Variants in CR1 observed in about 807,000 individuals in gnomAD.
The protein encoded by CR1 is complement C3b/C4b receptor 1 (Knops blood group).
Under a neutral mutation model 187.3 loss-of-function variants are expected in CR1, and 116 were observed. The ratio of observed to expected loss-of-function variants is 0.62; its 90% confidence interval spans 0.53 to 0.72. CR1 has a LOEUF of 0.72. CR1 is among the 30% of genes least tolerant of loss of function. The pLI is 0.00. For synonymous variants in CR1, 576 were observed against 747.1 expected (o/e 0.77, Z 3.73); for missense variants, 1,731 against 2,110.7 (o/e 0.82, Z 3.52).
intron 46 of CR1, among the ~76,000 whole-genome samples, chr1:207,639,090 G>A (rs372901490): frequency 6.6e-6 from 1 of 152,346 alleles, no homozygotes; most frequent in Middle Eastern, 3.4e-3. Context: ...TCATTTTCCC[G>A]ACAATGGTTG....
intron 24 of CR1, among the ~76,000 whole-genome samples, chr1:207,567,125 G>T (rs1252470848): frequency 6.7e-6 from 1 of 150,288 alleles, no homozygotes; most frequent in Admixed American, 6.6e-5. Flanking sequence ...TTAGAAATGA[G>T]GAAGAGACTG....
At chr1:207,582,191 C>G (rs145267674) in intron 32 of CR1, among the ~76,000 whole-genome samples, 188 bp downstream of exon 32, 1 of 152,148 alleles carries the variant, frequency 6.6e-6, no homozygotes, top group African/African-American at 2.4e-5. Flanking sequence ...GTTTTGGGTA[C>G]CATCCTATAA....
At chr1:207,524,449 T>C (rs1660103411) in intron 5 of CR1, among the ~76,000 whole-genome samples, 1 of 152,032 alleles carries the variant, frequency 6.6e-6, no homozygotes, top group East Asian at 1.9e-4. Flanking sequence ...TGTGGTGCCA[T>C]CATGACTTAC....
intron 1 of CR1, among the ~76,000 whole-genome samples, chr1:207,498,548 G>C (rs1659160020): frequency 6.6e-6 from 1 of 152,110 alleles, no homozygotes; most frequent in Non-Finnish European, 1.5e-5. Flanking sequence ...ATGTTAATAA[G>C]TAAGAGAGAA....
intron 35 of CR1, among the ~76,000 whole-genome samples, chr1:207,590,540 A>C (rs1296374874): frequency 2.0e-5 from 3 of 152,228 alleles, no homozygotes; most frequent in African/African-American, 7.2e-5. Flanking sequence ...CAATATGAAG[A>C]AACCACATCA....
At position 207,611,947 on chromosome 1, in the gene CR1, T is replaced by G; in HGVS notation, c.6481T>G (p.Cys2161Gly). The change falls in exon 39 of 47, where the codon TGT (cysteine) becomes GGT (glycine). Residue 2161 changes from cysteine (C) to glycine (G), a missense_variant. By Grantham distance (159) the Cys-to-Gly change is radical. Transcript: ENST00000367049. ...PEAPRCTVKS[C>G]DDFLGQLPHG... ...TTTATTTTTTCTTCTAGTGAAATCC[T>G]GTGATGACTTCCTGGGCCAACTCCC... is the stretch of plus-strand genomic sequence containing the variant. The G allele has an allele frequency of 6.2e-6, 10 of 1,614,056 alleles. No individual in the cohort carries two copies. The highest frequency in any genetic ancestry group is 8.5e-6 in the Non-Finnish European group (10 of 1,179,904).
intron 32 of CR1, 86 bp downstream of exon 32, chr1:207,582,089 C>T: frequency 3.2e-6 from 3 of 941,868 alleles, no homozygotes; most frequent in Admixed American, 2.4e-5. Flanking sequence ...TATTGTTTGT[C>T]CCGCTGTTTG....
chr1:207,623,094 A>T (rs1484416184), intron 45 of CR1, 26 bp downstream of exon 45: 1 of 1,488,326 alleles, frequency 6.7e-7, no homozygotes, highest in Non-Finnish European at 9.2e-7. Context: ...TTATCCCAAG[A>T]AATGTAAACT....
In CR1 at chr1:207,523,636, C is replaced by G. The variant is rs765225525; in HGVS notation, c.513C>G (p.Thr171=). ...GAATTCCTTGTGGGCTACCCCCCAC[C>G]ATCACCAATGGAGATTTCATTAGCA... The part of the protein sequence containing the change: ...CDRIPCGLPP[T]ITNGDFISTN... Residue 171 remains threonine, a synonymous_variant, in exon 5 of 47, where the codon ACC becomes ACG. Transcript: ENST00000367049. 2 of 1,613,846 alleles carry G rather than the reference C, an allele frequency of 1.2e-6. No individual in the cohort carries two copies. The highest frequency in any genetic ancestry group is 2.7e-5 in the African/African-American group (2 of 74,930).
intron 45 of CR1, among the ~76,000 whole-genome samples, chr1:207,626,355 G>A (rs946858862): frequency 4.6e-5 from 7 of 152,224 alleles, no homozygotes; most frequent in African/African-American, 1.7e-4. Flanking sequence ...GAGTTGGGCT[G>A]ATTAATCATG....
chr1:207,609,578 C>G lies in CR1; in HGVS notation c.6185C>G (p.Thr2062Ser), dbSNP rs753306326. The change falls in exon 37 of 47, where the codon ACT becomes AGT. Residue 2062 changes from threonine (T) to serine (S), a missense_variant. Physicochemically the swap from Thr to Ser is moderately conservative, Grantham distance 58. Coordinates refer to ENST00000367049, the MANE Select transcript of CR1 (RefSeq NM_000651.6). ...VPGNRSFFTL[T>S]EIIRFRCQPG... ...GGAAACAGGAGTTTCTTTACCCTCACTGAGATCATCAGATTTAGATGTCAG... is the reference window on the plus strand; with the variant it reads ...GGAAACAGGAGTTTCTTTACCCTCAGTGAGATCATCAGATTTAGATGTCAG... The G allele has an allele frequency of 9.9e-6, 16 of 1,613,456 alleles. No homozygotes were observed. The highest frequency in any genetic ancestry group is 1.2e-5 in the Non-Finnish European group (14 of 1,179,716).
At chr1:207,589,905 A>G (rs574217862) in intron 35 of CR1, among the ~76,000 whole-genome samples, 4 of 151,602 alleles carry the variant, frequency 2.6e-5, no homozygotes, top group African/African-American at 9.6e-5. Flanking sequence ...AAGCATGAAG[A>G]CAAAAAAAGA....
At chr1:207,605,576 C>T (rs1480809969) in intron 35 of CR1, among the ~76,000 whole-genome samples, 1 of 152,080 alleles carries the variant, frequency 6.6e-6, no homozygotes, top group Non-Finnish European at 1.5e-5. Context: ...TTGGCTCCAA[C>T]AATCTAGCTT....
At chr1:207,638,925 C>T (rs1329112756) in intron 46 of CR1, among the ~76,000 whole-genome samples, 1 of 152,224 alleles carries the variant, frequency 6.6e-6, no homozygotes, top group Non-Finnish European at 1.5e-5. Context: ...TGCACTGCCG[C>T]TTGTGGCGGG....
intron 30 of CR1, 21 bp from the exon 31 acceptor site, chr1:207,580,490 T>TC: frequency 1.3e-6 from 2 of 1,588,060 alleles, no homozygotes; most frequent in Non-Finnish European, 1.7e-6. Flanking sequence ...TTTTTTCTTT[T>TC]TTTTTTTTTT....
At chr1:207,609,217 G>T in intron 36 of CR1, 73 bp from the exon 37 acceptor site, 1 of 1,286,088 alleles carries the variant, frequency 7.8e-7, no homozygotes, top group Non-Finnish European at 1.1e-6. Context: ...ATTTGCATTT[G>T]GTATTTAAAT....
At chr1:207,636,553 T>C (rs902027088) in intron 46 of CR1, among the ~76,000 whole-genome samples, 5 of 152,198 alleles carry the variant, frequency 3.3e-5, no homozygotes, top group African/African-American at 1.2e-4. Flanking sequence ...ATTAATTTGG[T>C]TTGCCAATTT....
At chr1:207,579,389 CG>C (rs1394574423) in intron 29 of CR1, among the ~76,000 whole-genome samples, 1 of 152,140 alleles carries the variant, frequency 6.6e-6, no homozygotes, top group African/African-American at 2.4e-5. Context: ...GATATAAAGA[CG>C]GATGTACTGA....
At position 207,582,038 on chromosome 1, in the gene CR1, T is replaced by G. The variant is rs950476957; in HGVS notation, c.5302+35T>G. ...TGGAATACTTGTTCAGTCTGGATCT[T>G]TCTGTTTTTTTCTTAATATAGTTTG... On this transcript the variant is annotated intron_variant, in intron 32 of 46. Transcript: ENST00000367049. The G allele has an allele frequency of 5.4e-6, 8 of 1,484,898 alleles. No individual in the cohort carries two copies. The Admixed American group carries it at 1.4e-4, about 26-fold the overall frequency. The allele number at this position is 1,484,898 out of a possible 1,614,324, so 92.0% of individuals were successfully genotyped here.
Sources: allele counts gnomAD v4.1 joint callset (sites outside exome capture counted in the v4.1 genomes callset), GRCh38; gene constraint gnomAD v4.1.1; transcripts MANE v1.5; gene names NCBI Gene and HGNC (gene_info 2026-07-23, HGNC 2026-07-21).